Variants in LIG3 observed in about 807,000 individuals in gnomAD.
The protein encoded by LIG3 is ligase II, DNA, ATP-dependent.
LIG3 carries 58 observed loss-of-function variants against 110.9 expected under a neutral mutation model. The ratio of observed to expected loss-of-function variants is 0.52; its 90% CI spans 0.42 to 0.65. The LOEUF (loss-of-function observed/expected upper bound fraction) is 0.65, where lower values mean the gene tolerates loss of function less well. LIG3 is among the 30% of genes least tolerant of loss of function. The pLI, the probability that LIG3 is intolerant of heterozygous loss-of-function variation, is 0.00. For synonymous variants in LIG3, 422 were observed against 472.8 expected, an observed-to-expected ratio of 0.89 and a Z score of 1.39; for missense variants, 1,094 against 1,273.8, an observed-to-expected ratio of 0.86 and a Z score of 2.15.
rs61733233 is a variant in LIG3, at chr17:35,001,361, T to C, written c.2436T>C (p.Asp812=). The C allele has an allele frequency of 6.2e-7, 1 of 1,614,164 alleles. No homozygotes were observed. Residue 812 remains aspartate, a synonymous_variant, in exon 17 of 20, where the codon GAT becomes GAC. Coordinates refer to ENST00000378526, the MANE Select transcript of LIG3 (RefSeq NM_013975.4). ...IRFPRCTRIR[D]DKDWKSATNL... Reference sequence around the variant, plus strand: ...TCCCTCGCTGCACCCGAATCCGAGATGATAAGGACTGGAAATCTGCCACTA... The same window carrying C: ...TCCCTCGCTGCACCCGAATCCGAGACGATAAGGACTGGAAATCTGCCACTA...
chr17:35,002,232 CAG>C (rs2090851331), intron 18 of LIG3, 128 bp downstream of exon 18: 1 of 810,358 alleles, frequency 1.2e-6, no homozygotes, highest in African/African-American at 1.8e-5. Context: ...GCAGTGGACA[CAG>C]ACTACATTCC....
rs555036706 is a variant in LIG3, at chr17:35,005,897, G to A, written c.*1391G>A. The A allele has an allele frequency of 1.4e-4, 46 of 333,486 alleles. No homozygotes were observed. The highest frequency in any genetic ancestry group is 5.0e-4 in the East Asian group (7 of 13,904). 20.7% of individuals were successfully genotyped at this position (333,486 alleles called of 1,614,324 possible). A position where few individuals can be genotyped will look rare whatever the true frequency, so the allele number is the denominator to read the frequency against. On this transcript the variant is annotated 3_prime_UTR_variant, in exon 20 of 20. Transcript: ENST00000378526. ...AAAAACAGGAAGCATATTGAAGCTCGGACTAGAATTTCTTCTTGGTATCAG... is the reference window on the plus strand; with the variant it reads ...AAAAACAGGAAGCATATTGAAGCTCAGACTAGAATTTCTTCTTGGTATCAG...
At chr17:34,989,699 G>A (rs191127973) in intron 4 of LIG3, 36 bp downstream of exon 4, 64 of 1,603,108 alleles carry the variant, frequency 4.0e-5, no homozygotes, top group African/African-American at 3.6e-4. Flanking sequence ...CCTTTCCTCC[G>A]GAGAGCTCAA....
Position 35,005,309 on chromosome 17 carries a change from T to G in LIG3, c.*803T>G, listed in dbSNP as rs567177657. The G allele has an allele frequency of 3.7e-5, 20 of 545,102 alleles. 1 individual carries two copies. Among genetic ancestry groups the G allele is most frequent in the South Asian group, 2.6e-4 (19 of 72,328 alleles). The allele number at this position is 545,102 out of a possible 1,614,324, so 33.8% of individuals were successfully genotyped here. Reference sequence around the variant, plus strand: ...CCTTGTTGCCACCAACATGGAGACTTTGTACCATATCCCATTCTTAGTGCT... The same window carrying G: ...CCTTGTTGCCACCAACATGGAGACTGTGTACCATATCCCATTCTTAGTGCT... On this transcript the variant is annotated 3_prime_UTR_variant, in exon 20 of 20. Transcript: ENST00000378526.
At chr17:35,004,199 C>G (rs750683599) in intron 19 of LIG3, 74 bp from the exon 20 acceptor site, 5 of 1,083,958 alleles carry the variant, frequency 4.6e-6, no homozygotes, top group African/African-American at 1.5e-5. Flanking sequence ...CATTCTGTCC[C>G]GTGCTCATTT....
intron 9 of LIG3, 126 bp downstream of exon 9, chr17:34,994,557 T>C: frequency 1.0e-6 from 1 of 981,944 alleles, no homozygotes; most frequent in Non-Finnish European, 1.5e-6. Flanking sequence ...ATTTGTTGAA[T>C]GAATTAATTC....
intron 18 of LIG3, 132 bp downstream of exon 18, chr17:35,002,236 C>A: frequency 1.3e-6 from 1 of 797,738 alleles, no homozygotes; most frequent in Non-Finnish European, 1.9e-6. Context: ...TGGACACAGA[C>A]TACATTCCTG....
At chr17:35,009,888 A>G (rs1225941453), downstream of LIG3, 1 of 152,678 alleles carries the variant, frequency 6.5e-6, no homozygotes, top group African/African-American at 2.4e-5. Flanking sequence ...GGAACTGAGT[A>G]GCTGAATGAA....
At chr17:34,982,963 C>CT (rs3084117) in intron 1 of LIG3, 39 bp from the exon 2 acceptor site, 293,688 of 1,217,844 alleles carry the variant, frequency 0.24, 10,140 homozygotes, top group Admixed American at 0.29. Flanking sequence ...TTGTTTATAT[C>CT]TTTTTTTTTT....
intron 18 of LIG3, 60 bp from the exon 19 acceptor site, chr17:35,002,608 C>G (rs1022427084): frequency 8.3e-6 from 13 of 1,559,018 alleles, no homozygotes; most frequent in African/African-American, 2.7e-5. Flanking sequence ...AATTGATCCT[C>G]CCGAGTAGCT....
intron 17 of LIG3, among the ~76,000 whole-genome samples, 176 bp from the exon 18 acceptor site, chr17:35,001,733 T>C (rs938535987): frequency 2.0e-5 from 3 of 152,204 alleles, no homozygotes; most frequent in Non-Finnish European, 2.9e-5. Context: ...CCCTGATTAC[T>C]CAGGCTATAG....
At position 35,008,538 on chromosome 17, in the gene LIG3, C is replaced by T. The variant is rs1021475028; in HGVS notation, c.*4032C>T. The T allele has an allele frequency of 1.3e-5, 2 of 152,094 alleles. No homozygotes were observed. Among genetic ancestry groups the T allele is most frequent in the Non-Finnish European group, 2.9e-5 (2 of 68,034 alleles). 9.4% of individuals were successfully genotyped at this position (152,094 alleles called of 1,614,324 possible). A position where few individuals can be genotyped will look rare whatever the true frequency, so the allele number is the denominator to read the frequency against. ...CTTCAATCTCCTGGCTCAAGTGATCCTCCCACCTCAGCCTTCCAAGTAGTT... is the reference window on the plus strand; with the variant it reads ...CTTCAATCTCCTGGCTCAAGTGATCTTCCCACCTCAGCCTTCCAAGTAGTT... On this transcript the variant is annotated 3_prime_UTR_variant, in exon 20 of 20. Transcript: ENST00000378526.
At chr17:34,980,661 CG>C (rs1443867725) in intron 1 of LIG3, 39 bp downstream of exon 1, 37 of 1,133,044 alleles carry the variant, frequency 3.3e-5, no homozygotes, top group African/African-American at 4.2e-5. Context: ...CGGCGGGGCC[CG>C]GCGTGGGGAA....
rs3084117 is a variant in LIG3 at position 34,982,963 on chromosome 17, C to CTT, written c.-4-24_-4-23dup. Reference sequence around the variant, plus strand: ...TGGAAGCCTATCTCCTTGTTTATATCTTTTTTTTTTTTTTTTGGCCTCCTA... The same window carrying CTT: ...TGGAAGCCTATCTCCTTGTTTATATCTTTTTTTTTTTTTTTTTTGGCCTCCTA... On this transcript the variant is annotated intron_variant, in intron 1 of 19. Transcript: ENST00000378526. 6.6e-3 allele frequency: 8,164 copies of CTT among 1,240,044 alleles called. 7 individuals carry two copies. The highest frequency in any genetic ancestry group is 9.9e-3 in the South Asian group (527 of 53,384). 76.8% of individuals were successfully genotyped at this position (1,240,044 alleles called of 1,614,324 possible). A position where few individuals can be genotyped will look rare whatever the true frequency, so the allele number is the denominator to read the frequency against.
At chr17:34,981,903 C>A (rs1035505449) in intron 1 of LIG3, among the ~76,000 whole-genome samples, 1 of 152,104 alleles carries the variant, frequency 6.6e-6, no homozygotes, top group African/African-American at 2.4e-5. Context: ...GTCTTGCTGC[C>A]CAGTGACTTC....
In LIG3 at chr17:35,004,671, G is replaced by A. The variant is rs2090881431; in HGVS notation, c.*165G>A. 3 of 602,514 alleles carry A rather than the reference G, an allele frequency of 5.0e-6. No homozygotes were observed. The highest frequency in any genetic ancestry group is 2.8e-5 in the East Asian group (1 of 35,752). 37.3% of individuals were successfully genotyped at this position (602,514 alleles called of 1,614,324 possible). Reference sequence around the variant, plus strand: ...CTGGACCAGGAATTAGTTGCTGTGGGTGCCACAGCTGAAGTCAGTTTGTCT... The same window carrying A: ...CTGGACCAGGAATTAGTTGCTGTGGATGCCACAGCTGAAGTCAGTTTGTCT... On this transcript the variant is annotated 3_prime_UTR_variant, in exon 20 of 20. Transcript: ENST00000378526.
chr17:34,980,694 A>C lies in LIG3; in HGVS notation c.-5+72A>C, dbSNP rs2090574199. On this transcript the variant is annotated intron_variant, in intron 1 of 19. Transcript: ENST00000378526. ...GGAAGGCAGCGGGCCCGGGGCGAGG[A>C]GCTCGGCGCGGCCGGGGAGCCAGCC... The C allele has an allele frequency of 5.6e-6, 5 of 897,882 alleles. No homozygotes were observed. In the Admixed American group the frequency reaches 3.1e-4, roughly 55 times the overall value. 55.6% of individuals were successfully genotyped at this position (897,882 alleles called of 1,614,324 possible).
At chr17:34,992,766 G>A in intron 8 of LIG3, 74 bp downstream of exon 8, 1 of 1,407,744 alleles carries the variant, frequency 7.1e-7, no homozygotes, top group Non-Finnish European at 9.4e-7. Context: ...ATCAGATAGG[G>A]TATGAGTGTT....
rs1225851538 is a variant in LIG3 at position 35,001,300 on chromosome 17, C to T, written c.2375C>T (p.Ser792Leu). The T allele has an allele frequency of 6.2e-7, 1 of 1,614,138 alleles. No individual in the cohort carries two copies. The highest frequency in any genetic ancestry group is 8.5e-7 in the Non-Finnish European group (1 of 1,179,998). ...ATCACAGGGGCTGAATTCTCCAAAT[C>T]GGAGGCTCATACAGCTGACGGGATC... ...WEITGAEFSKSEAHTADGISI... is the reference protein window; with the variant it reads ...WEITGAEFSKLEAHTADGISI... The change falls in exon 17 of 20, where the codon TCG becomes TTG. Residue 792 changes from serine (S) to leucine (L), a missense_variant. Transcript: ENST00000378526.
Sources: allele counts gnomAD v4.1 joint callset (sites outside exome capture counted in the v4.1 genomes callset), GRCh38; gene constraint gnomAD v4.1.1; transcripts MANE v1.5; gene names NCBI Gene and HGNC (gene_info 2026-07-23, HGNC 2026-07-21).